The following EPHA6 variants were observed in gnomAD, a reference collection of about 807,000 sequenced individuals.
EPHA6 encodes ephrin type-A receptor 6.
In EPHA6, 50 loss-of-function variants were observed where a neutral mutation model predicts 112.0. The observed-to-expected ratio is 0.45, with a 90% CI of 0.36 to 0.56. The LOEUF is 0.56. Ranked by LOEUF, EPHA6 falls within the 20% of genes least tolerant of loss-of-function variation. The probability of loss-of-function intolerance (pLI) is 0.00; values close to 1 mark genes in which losing one functional copy is unlikely to be tolerated. For synonymous variants in EPHA6, 529 were observed against 490.7 expected, an observed-to-expected ratio of 1.08 and a Z score of -1.03; for missense variants, 1,280 against 1,417.4, an observed-to-expected ratio of 0.90 and a Z score of 1.56.
chr3:97,648,585 CT>C, intron 14 of EPHA6: 1 of 1,172,980 alleles, frequency 8.5e-7, no homozygotes, highest in Non-Finnish European at 1.1e-6. Flanking sequence ...TGAGATCTGC[CT>C]TTAAGTACTT....
At chr3:97,136,862 A>G (rs1306433194) in intron 3 of EPHA6, among the ~76,000 whole-genome samples, 3 of 152,168 alleles carry the variant, frequency 2.0e-5, no homozygotes, top group Non-Finnish European at 2.9e-5. Flanking sequence ...TTTAACACCA[A>G]TATTTCTTCA....
chr3:97,496,754 C>G (rs1299947600), intron 10 of EPHA6, among the ~76,000 whole-genome samples: 2 of 151,832 alleles, frequency 1.3e-5, no homozygotes, highest in Non-Finnish European at 2.9e-5. Flanking sequence ...CTGATTGAGT[C>G]TCTGTGATTT....
At chr3:97,366,015 A>G (rs1240818032) in intron 5 of EPHA6, among the ~76,000 whole-genome samples, 3 of 152,156 alleles carry the variant, frequency 2.0e-5, no homozygotes, top group African/African-American at 7.2e-5. Context: ...GCACCATCAA[A>G]ATTTCTCTCT....
chr3:97,665,475 A>G (rs903953053), intron 14 of EPHA6, among the ~76,000 whole-genome samples: 3 of 152,226 alleles, frequency 2.0e-5, no homozygotes, highest in Non-Finnish European at 4.4e-5. Flanking sequence ...TTGATAAGGC[A>G]ACAACAACAT....
chr3:97,232,410 A>G (rs779343048), intron 4 of EPHA6, among the ~76,000 whole-genome samples: 7 of 152,182 alleles, frequency 4.6e-5, no homozygotes, highest in Non-Finnish European at 1.0e-4. Flanking sequence ...TGTTGATGCT[A>G]TTTTGTCAGG....
At chr3:97,352,617 G>T (rs559743094) in intron 5 of EPHA6, among the ~76,000 whole-genome samples, 111 of 152,284 alleles carry the variant, frequency 7.3e-4, no homozygotes, top group Middle Eastern at 6.8e-3. Context: ...TAGCTAGAGG[G>T]GAGGTGTCCA....
intron 1 of EPHA6, among the ~76,000 whole-genome samples, chr3:96,816,173 A>G (rs1375216834): frequency 6.6e-6 from 1 of 152,192 alleles, no homozygotes; most frequent in Non-Finnish European, 1.5e-5. Flanking sequence ...TTACTTAGAA[A>G]TGTTCAGAAT....
intron 3 of EPHA6, among the ~76,000 whole-genome samples, chr3:97,107,652 TTG>T (rs2047607618): frequency 6.6e-6 from 1 of 152,178 alleles, no homozygotes; most frequent in Non-Finnish European, 1.5e-5. Context: ...GTTTTTAATG[TTG>T]TTTCTATTTG....
At chr3:97,670,849 T>C (rs150937656) in intron 14 of EPHA6, among the ~76,000 whole-genome samples, 5 of 152,218 alleles carry the variant, frequency 3.3e-5, no homozygotes, top group African/African-American at 9.6e-5. Context: ...TTGTGTTAGC[T>C]TCTCTAATTT....
At position 97,753,364 on chromosome 3, in the gene EPHA6, CA is replaced by C. The variant is rs1265942717; in HGVS notation, c.*4664del. Among the ~76,000 whole-genome samples, 1 of 152,116 alleles carries C rather than the reference CA, an allele frequency of 6.6e-6. No homozygotes were observed. The highest frequency in any genetic ancestry group is 1.5e-5 in the Non-Finnish European group (1 of 68,010). ...TAAAGAAATAAATAGGATCTTCGTC[CA>C]GTGTGAATTGGATTTGCAATTCTAA... On this transcript the variant is annotated 3_prime_UTR_variant, in exon 18 of 18. Coordinates refer to ENST00000389672, the MANE Select transcript of EPHA6 (RefSeq NM_001080448.3).
intron 2 of EPHA6, among the ~76,000 whole-genome samples, chr3:96,880,950 C>T (rs1227518536): frequency 6.6e-6 from 1 of 152,078 alleles, no homozygotes; most frequent in Non-Finnish European, 1.5e-5. Flanking sequence ...GCTTTGTGCA[C>T]ATTTTGGTTA....
intron 5 of EPHA6, among the ~76,000 whole-genome samples, chr3:97,378,126 C>T (rs2085479414): frequency 6.6e-6 from 1 of 152,094 alleles, no homozygotes; most frequent in Admixed American, 6.5e-5. Flanking sequence ...GGCCCAGGGT[C>T]CCCATTCTGT....
At chr3:97,145,874 A>G (rs1399069480) in intron 3 of EPHA6, among the ~76,000 whole-genome samples, 1 of 151,638 alleles carries the variant, frequency 6.6e-6, no homozygotes, top group East Asian at 1.9e-4. Flanking sequence ...AACTTCAAGA[A>G]TGTATTGGTT....
intron 12 of EPHA6, among the ~76,000 whole-genome samples, chr3:97,607,330 C>T (rs891466188): frequency 6.6e-6 from 1 of 150,958 alleles, no homozygotes; most frequent in Non-Finnish European, 1.5e-5. Context: ...ATCCACATCA[C>T]CTTTATCAAA....
chr3:97,068,754 C>G (rs1224741039), intron 3 of EPHA6, among the ~76,000 whole-genome samples: 1 of 152,020 alleles, frequency 6.6e-6, no homozygotes, highest in Non-Finnish European at 1.5e-5. Flanking sequence ...GTAGAACACT[C>G]ATGACAGAAC....
intron 10 of EPHA6, among the ~76,000 whole-genome samples, chr3:97,490,780 A>G (rs898421835): frequency 6.6e-6 from 1 of 152,228 alleles, no homozygotes; most frequent in African/African-American, 2.4e-5. Context: ...TCACAGTGTC[A>G]GTGGCTCAGG....
chr3:97,415,640 T>C (rs1195332503), intron 6 of EPHA6, among the ~76,000 whole-genome samples: 1 of 152,078 alleles, frequency 6.6e-6, no homozygotes. Flanking sequence ...CAGAAGAGCT[T>C]GTTAAAGCAC....
At chr3:97,005,663 C>T (rs1049236990) in intron 3 of EPHA6, among the ~76,000 whole-genome samples, 2 of 151,976 alleles carry the variant, frequency 1.3e-5, no homozygotes, top group Admixed American at 1.3e-4. Context: ...GTTGAATAGG[C>T]GTGGTAAGAG....
intron 3 of EPHA6, among the ~76,000 whole-genome samples, chr3:97,107,387 T>G (rs2047599003): frequency 6.6e-6 from 1 of 152,008 alleles, no homozygotes; most frequent in Non-Finnish European, 1.5e-5. Context: ...GATGACAATG[T>G]CTGTTTATAC....
Sources: allele counts gnomAD v4.1 joint callset (sites outside exome capture counted in the v4.1 genomes callset), GRCh38; gene constraint gnomAD v4.1.1; transcripts MANE v1.5; gene names NCBI Gene and HGNC (gene_info 2026-07-23, HGNC 2026-07-21).